MCM4: variants seen among roughly 807,000 people sequenced by gnomAD.
The protein encoded by MCM4 is DNA replication licensing factor MCM4.
A neutral mutation model predicts 88.7 loss-of-function variants in MCM4; 60 were observed. That is an observed-to-expected ratio of 0.68 (90% CI 0.55 to 0.84). MCM4 has a LOEUF of 0.84. MCM4 is among the 40% of genes least tolerant of loss of function. The pLI is 0.00. For synonymous variants in MCM4, 465 were observed against 410.5 expected (o/e 1.13, Z -1.61); for missense variants, 1,149 against 1,105.5 (o/e 1.04, Z -0.56).
At chr8:47,963,102 T>TA (rs2090862381) in intron 7 of MCM4, 62 bp downstream of exon 7, 3 of 980,562 alleles carry the variant, frequency 3.1e-6, no homozygotes, top group Non-Finnish European at 4.7e-6. Context: ...TGTTTCCAGA[T>TA]AACAGAAATT....
chr8:47,974,901 T>C lies in MCM4; in HGVS notation c.2304T>C (p.Ala768=). The C allele has an allele frequency of 6.2e-7, 1 of 1,614,236 alleles. No homozygotes were observed. The highest frequency in any genetic ancestry group is 8.5e-7 in the Non-Finnish European group (1 of 1,180,044). Residue 768 remains alanine (A), a synonymous_variant, in exon 15 of 17, where the codon GCT becomes GCC. Transcript: ENST00000649973. ...AGGCCAAACGCCTCCATCGGGAAGC[T>C]CTGAAGCAGTCTGCAACTGATCCCC... is the stretch of plus-strand genomic sequence containing the variant. The part of the protein sequence containing the change: ...VEEAKRLHRE[A]LKQSATDPRT...
intron 15 of MCM4, 91 bp downstream of exon 15, chr8:47,975,053 A>AT: frequency 9.6e-7 from 1 of 1,042,692 alleles, no homozygotes; most frequent in Non-Finnish European, 1.4e-6. Flanking sequence ...CAGTTAAATC[A>AT]TTTGAAACAG....
Position 47,960,975 on chromosome 8 carries a change from G to C in MCM4, c.-54G>C. 1.6e-6 allele frequency: 1 copy of C among 634,632 alleles called. No homozygotes were observed. The highest frequency in any genetic ancestry group is 2.5e-6 in the Non-Finnish European group (1 of 406,536). 39.3% of individuals were successfully genotyped at this position (634,632 alleles called of 1,614,324 possible). ...GAGCGCTACTCGCCAGGTGGACTCGGAGTCCGCGAGCGTCGTCGGCAAGCG... is the reference window on the plus strand; with the variant it reads ...GAGCGCTACTCGCCAGGTGGACTCGCAGTCCGCGAGCGTCGTCGGCAAGCG... On this transcript the variant is annotated 5_prime_UTR_variant, in exon 1 of 17. Transcript: ENST00000649973.
intron 7 of MCM4, among the ~76,000 whole-genome samples, chr8:47,963,314 C>G (rs1347091936): frequency 6.6e-6 from 1 of 152,030 alleles, no homozygotes; most frequent in Non-Finnish European, 1.5e-5. Flanking sequence ...ATTAGCCAGA[C>G]ATGGTGGTGC....
rs374410389 is a variant in MCM4 at position 47,968,763 on chromosome 8, C to T, written c.1175-1035C>T. Among the ~76,000 whole-genome samples the T allele has an allele frequency of 5.3e-5, 8 of 151,284 alleles. 1 individual carries two copies. The highest frequency in any genetic ancestry group is 1.5e-4 in the African/African-American group (6 of 40,594). ...TGCCATTGCGTTGAGATAGCTGTAACGGGGAAAGGCCAGGCTTTCTCCAAA... is the reference window on the plus strand; with the variant it reads ...TGCCATTGCGTTGAGATAGCTGTAATGGGGAAAGGCCAGGCTTTCTCCAAA... On this transcript the variant is annotated intron_variant, in intron 10 of 16. Transcript: ENST00000649973.
At position 47,976,781 on chromosome 8, in the gene MCM4, C is replaced by G. The variant is rs777485596; in HGVS notation, c.*3C>G. On this transcript the variant is annotated 3_prime_UTR_variant, in exon 17 of 17. Transcript: ENST00000649973. Reference sequence around the variant, plus strand: ...GGAAGACCGTGCGCTTGCTCTGAAGCCTTGTGAGCAAGGAAGGCTCCCTGC... The same window carrying G: ...GGAAGACCGTGCGCTTGCTCTGAAGGCTTGTGAGCAAGGAAGGCTCCCTGC... The G allele has an allele frequency of 5.6e-6, 9 of 1,594,046 alleles. No homozygotes were observed. Among genetic ancestry groups the G allele is most frequent in the African/African-American group, 5.4e-5 (4 of 74,496 alleles).
rs2090908478 is a variant in MCM4, at chr8:47,967,304, C to CAGTACAA, written c.1054-59_1054-58insTACAAAG. On this transcript the variant is annotated intron_variant, in intron 9 of 16. Coordinates refer to ENST00000649973, the MANE Select transcript of MCM4 (RefSeq NM_182746.3). ...ATGGCAAAAGCAGTACAAAGACATG[C>CAGTACAA]AGATTTTGTCCCCCTGCCCTCTCTT... is the stretch of plus-strand genomic sequence containing the variant. 2.5e-6 allele frequency: 4 copies of CAGTACAA among 1,600,586 alleles called. No homozygotes were observed. The Admixed American group carries it at 6.8e-5, about 27-fold the overall frequency.
In MCM4 at chr8:47,973,053, GCT is replaced by G. The variant is rs778245939; in HGVS notation, c.2129_2130del (p.Leu710HisfsTer13). The G allele has an allele frequency of 6.2e-7, 1 of 1,613,270 alleles. No individual in the cohort carries two copies. The highest frequency in any genetic ancestry group is 2.2e-5 in the East Asian group (1 of 44,878). On this transcript the variant is annotated frameshift_variant, in exon 14 of 17. Transcript: ENST00000649973. LOFTEE classifies it high-confidence loss of function. ...MPRLSEEASQ[A>X]LIEAYVDMRK... ...GCGGCTAAGTGAGGAAGCCAGCCAG[GCT>G]CTCATCGAGGTAACCCTGCTGAAAA...
intron 10 of MCM4, 111 bp from the exon 11 acceptor site, chr8:47,969,687 A>C: frequency 2.4e-4 from 261 of 1,092,782 alleles, no homozygotes; most frequent in Non-Finnish European, 3.1e-4. Flanking sequence ...TTCCAGGGCC[A>C]GCCCGACGTG....
At chr8:47,974,646 G>A (rs2090985880) in intron 14 of MCM4, 88 bp from the exon 15 acceptor site, 1 of 989,970 alleles carries the variant, frequency 1.0e-6, no homozygotes, top group African/African-American at 1.6e-5. Context: ...TTTACTTAAT[G>A]GAAGCCTAAG....
chr8:47,975,514 A>G (rs2090993735), intron 15 of MCM4: 1 of 390,662 alleles, frequency 2.6e-6, no homozygotes, highest in Non-Finnish European at 4.5e-6. Context: ...CTTGCTGCAC[A>G]GATGTGTAGA....
rs1589828091 is a variant in MCM4, at chr8:47,963,121, A to T, written c.693+81A>T. The T allele has an allele frequency of 1.3e-5, 11 of 837,322 alleles. No individual in the cohort carries two copies. The East Asian group carries it at 2.7e-4, about 21-fold the overall frequency. 51.9% of individuals were successfully genotyped at this position (837,322 alleles called of 1,614,324 possible). A position where few individuals can be genotyped will look rare whatever the true frequency, so the allele number is the denominator to read the frequency against. ...TCCAGATAACAGAAATTCTTCAGTAATGAAGATAGTATGCGCAAACACTTT... is the reference window on the plus strand; with the variant it reads ...TCCAGATAACAGAAATTCTTCAGTATTGAAGATAGTATGCGCAAACACTTT... On this transcript the variant is annotated intron_variant, in intron 7 of 16. Transcript: ENST00000649973.
chr8:47,974,745 C>A lies in MCM4; in HGVS notation c.2148C>A (p.Asp716Glu). ...TCTACCTACAATAGGCTTATGTAGA[C>A]ATGAGGAAGATTGGCAGTAGCCGGG... ...ASQALIEAYV[D>E]MRKIGSSRGM... Residue 716 changes from aspartate to glutamate, a missense_variant, in exon 15 of 17, where the codon GAC becomes GAA. Coordinates refer to ENST00000649973, the MANE Select transcript of MCM4 (RefSeq NM_182746.3). 6.2e-7 allele frequency: 1 copy of A among 1,614,020 alleles called. No individual in the cohort carries two copies. The highest frequency in any genetic ancestry group is 2.2e-5 in the East Asian group (1 of 44,890).
chr8:47,965,844 A>G (rs1337701586), intron 8 of MCM4, among the ~76,000 whole-genome samples: 2 of 152,190 alleles, frequency 1.3e-5, no homozygotes, highest in Admixed American at 6.5e-5. Flanking sequence ...CACAAAATGT[A>G]CACAGAAAGG....
rs2090909054 is a variant in MCM4, at chr8:47,967,348, T to C, written c.1054-17T>C. On this transcript the variant is annotated splice_polypyrimidine_tract_variant and intron_variant, in intron 9 of 16. Transcript: ENST00000649973. ...CTCTCTTTGTGGCCCACATGTTCTC[T>C]GTTTGCTGACCTTCAGATCAAGCTT... 5 of 1,613,720 alleles carry C rather than the reference T, an allele frequency of 3.1e-6. No individual in the cohort carries two copies. Among genetic ancestry groups the C allele is most frequent in the Admixed American group, 1.7e-5 (1 of 59,970 alleles).
chr8:47,975,719 G>T lies in MCM4; in HGVS notation c.2370G>T (p.Met790Ile), dbSNP rs755022091. 3 of 1,553,702 alleles carry T rather than the reference G, an allele frequency of 1.9e-6. No homozygotes were observed. The highest frequency in any genetic ancestry group is 4.6e-5 in the Admixed American group (2 of 43,926). Residue 790 changes from methionine to isoleucine, a missense_variant, in exon 16 of 17, where the codon ATG becomes ATT. Around this residue, in one of 3 missense-constraint regions of MCM4, gnomAD observed 238 missense variants for 241.6 expected, o/e 0.99. Transcript: ENST00000649973. ...IVDISILTTGMSATSRKRKEE... is the reference protein window; with the variant it reads ...IVDISILTTGISATSRKRKEE... ...ATTGATTTCTTTTTAAATCAGGGAT[G>T]AGTGCCACCTCTCGTAAACGGAAAG...
At position 47,972,862 on chromosome 8, in the gene MCM4, A is replaced by G; in HGVS notation, c.1934A>G (p.Asp645Gly). 6.2e-7 allele frequency: 1 copy of G among 1,613,996 alleles called. No individual in the cohort carries two copies. Among genetic ancestry groups the G allele is most frequent in the Non-Finnish European group, 8.5e-7 (1 of 1,179,912 alleles). The change falls in exon 14 of 17, where the codon GAT (aspartate) becomes GGT (glycine). Residue 645 changes from aspartate (D) to glycine (G), a missense_variant. Physicochemically the swap from Asp to Gly is moderately conservative, Grantham distance 94. This residue lies in a region of MCM4 where 906 missense variants were observed against 843.0 expected (regional missense o/e 1.07). Coordinates refer to ENST00000649973, the MANE Select transcript of MCM4 (RefSeq NM_182746.3). ...QLPHTLLSRFDLIFLLLDPQD... is the reference protein window; with the variant it reads ...QLPHTLLSRFGLIFLLLDPQD... ...TTTTTACTTTGTTTTCTTAGGTTTGATTTGATCTTCCTCTTGCTGGACCCT... is the reference window on the plus strand; with the variant it reads ...TTTTTACTTTGTTTTCTTAGGTTTGGTTTGATCTTCCTCTTGCTGGACCCT...
chr8:47,961,753 CT>C, intron 3 of MCM4, 73 bp downstream of exon 3: 15 of 1,513,342 alleles, frequency 9.9e-6, no homozygotes, highest in Non-Finnish European at 1.3e-5. Context: ...GGTTTACTGG[CT>C]TTATAACAGT....
At chr8:47,976,264 G>A (rs1317276172) in intron 16 of MCM4, among the ~76,000 whole-genome samples, 2 of 149,654 alleles carry the variant, frequency 1.3e-5, no homozygotes, top group African/African-American at 5.0e-5. Context: ...TTGCTCTCCA[G>A]CCTGGGCACC....
Sources: allele counts gnomAD v4.1 joint callset (sites outside exome capture counted in the v4.1 genomes callset), GRCh38; gene constraint gnomAD v4.1.1; regional missense constraint gnomAD v4.1.1; transcripts MANE v1.5; gene names NCBI Gene and HGNC (gene_info 2026-07-23, HGNC 2026-07-21).